Variants in UNC79 observed in about 807,000 individuals in gnomAD.
UNC79 encodes protein unc-79 homolog.
In UNC79, 37 loss-of-function variants were observed where a neutral mutation model predicts 283.1. That is an observed-to-expected ratio of 0.13 (90% confidence interval 0.10 to 0.17). UNC79 has a LOEUF of 0.17. UNC79 is among the 10% of genes least tolerant of loss of function. The pLI is 1.00. For synonymous variants in UNC79, 1,107 were observed against 1,200.2 expected (o/e 0.92, Z 1.61); for missense variants, 2,272 against 3,211.1 (o/e 0.71, Z 7.07).
chr14:93,379,067 T>A (rs1317552141), intron 1 of UNC79, among the ~76,000 whole-genome samples: 5 of 152,170 alleles, frequency 3.3e-5, no homozygotes, highest in Admixed American at 3.3e-4. Flanking sequence ...AGTTAACAGC[T>A]GAGCAAAAGA....
chr14:93,582,143 A>C, intron 19 of UNC79, 60 bp from the exon 20 acceptor site: 15 of 1,612,098 alleles, frequency 9.3e-6, no homozygotes, highest in Middle Eastern at 1.7e-4. Flanking sequence ...TGAGCTGAGC[A>C]AACCGTTCCT....
intron 1 of UNC79, chr14:93,334,665 A>G (rs2053535831): frequency 6.6e-6 from 1 of 152,244 alleles, no homozygotes; most frequent in Admixed American, 6.5e-5. Context: ...CACTTGAACA[A>G]CACGGGTTTG....
chr14:93,366,285 C>G (rs2054331060), intron 1 of UNC79, among the ~76,000 whole-genome samples: 1 of 152,242 alleles, frequency 6.6e-6, no homozygotes, highest in East Asian at 1.9e-4. Context: ...ATTTAACTAA[C>G]TAAGGATATA....
At chr14:93,597,648 A>G (rs1377911265) in intron 24 of UNC79, 108 bp downstream of exon 24, 1 of 1,203,846 alleles carries the variant, frequency 8.3e-7, no homozygotes, top group African/African-American at 1.5e-5. Flanking sequence ...ATAACAGAAT[A>G]CCATAAACTG....
chr14:93,684,139 C>G lies in UNC79; in HGVS notation c.6819+1445C>G, dbSNP rs531929425. ...CTAGGGACTCCGCTGCTCCGTAAAT[C>G]TCTAGGACTTACTCACTTTGCATAA... On this transcript the variant is annotated intron_variant, in intron 42 of 48. Coordinates refer to ENST00000555664, the Ensembl canonical transcript of UNC79. Among the ~76,000 whole-genome samples the G allele has an allele frequency of 3.9e-5, 6 of 152,292 alleles. No individual in the cohort carries two copies. The East Asian group carries it at 1.2e-3, about 29-fold the overall frequency.
chr14:93,417,164 T>A (rs7157795), intron 1 of UNC79, among the ~76,000 whole-genome samples: 82,149 of 151,580 alleles, frequency 0.54, 22,819 homozygotes, highest in Admixed American at 0.65. Context: ...TGGTACCGGT[T>A]GTTCCTTTCC....
intron 4 of UNC79, among the ~76,000 whole-genome samples, chr14:93,478,573 C>T (rs1260139410): frequency 6.6e-6 from 1 of 152,094 alleles, no homozygotes; most frequent in Non-Finnish European, 1.5e-5. Context: ...AGGCAAATTA[C>T]CCAACTTTCT....
chr14:93,633,729 T>G (rs933408860), intron 31 of UNC79, among the ~76,000 whole-genome samples: 2 of 152,188 alleles, frequency 1.3e-5, no homozygotes, highest in Non-Finnish European at 2.9e-5. Flanking sequence ...CTGGCAAAAG[T>G]GTTTTTCATT....
chr14:93,589,077 C>G (rs773489653), intron 22 of UNC79, among the ~76,000 whole-genome samples: 1 of 152,026 alleles, frequency 6.6e-6, no homozygotes, highest in African/African-American at 2.4e-5. Context: ...ACAGCCTGCA[C>G]GAGGAAAGCA....
chr14:93,652,539 C>T (rs975012404), intron 35 of UNC79, among the ~76,000 whole-genome samples: 1 of 152,160 alleles, frequency 6.6e-6, no homozygotes, highest in African/African-American at 2.4e-5. Flanking sequence ...GGATTACAGG[C>T]GATAGTCACT....
chr14:93,359,551 C>A (rs905267065), intron 1 of UNC79, among the ~76,000 whole-genome samples: 1 of 152,128 alleles, frequency 6.6e-6, no homozygotes, highest in African/African-American at 2.4e-5. Context: ...AGCATAGCTA[C>A]CATAATGGAC....
chr14:93,350,156 T>A (rs1256656748), intron 1 of UNC79, among the ~76,000 whole-genome samples: 1 of 152,104 alleles, frequency 6.6e-6, no homozygotes, highest in Non-Finnish European at 1.5e-5. Context: ...CTTCCTAGGT[T>A]TTCACTAAAA....
intron 4 of UNC79, among the ~76,000 whole-genome samples, chr14:93,479,564 C>G (rs1009299876): frequency 6.6e-6 from 1 of 152,080 alleles, no homozygotes; most frequent in Non-Finnish European, 1.5e-5. Context: ...TCCCAAAGTG[C>G]TGGGATTACA....
chr14:93,481,415 A>G (rs1202418265), intron 4 of UNC79, among the ~76,000 whole-genome samples: 1 of 152,198 alleles, frequency 6.6e-6, no homozygotes, highest in Admixed American at 6.5e-5. Context: ...GGCAGAGAAG[A>G]GAAAGAGCTG....
In UNC79 at chr14:93,697,857, T is replaced by G. The variant is rs558853463; in HGVS notation, c.7548+3445T>G. 1.8e-4 allele frequency among the ~76,000 whole-genome samples: 27 copies of G among 152,336 alleles called. 1 individual carries two copies. The highest frequency in any genetic ancestry group is 1.7e-3 in the South Asian group (8 of 4,822). ...AGCACAATGATTTGAGACTTTTCTTTTCTAATATAAGTGATTAGTGCTATA... is the reference window on the plus strand; with the variant it reads ...AGCACAATGATTTGAGACTTTTCTTGTCTAATATAAGTGATTAGTGCTATA... On this transcript the variant is annotated intron_variant, in intron 47 of 48. Coordinates refer to ENST00000555664, the Ensembl canonical transcript of UNC79.
In UNC79 at chr14:93,582,350, TGTGCACTGACTGCCG is replaced by T. The variant is rs1368029390; in HGVS notation, c.2803+8_2803+22del. ...CGAGCCCGTGGAACATGCTGGTAGG[TGTGCACTGACTGCCG>T]GGGAATGCGCCACGTGCACATGGCC... On this transcript the variant is annotated splice_region_variant and intron_variant, in intron 20 of 48. Transcript: ENST00000555664. The T allele has an allele frequency of 9.3e-6, 15 of 1,613,040 alleles. No homozygotes were observed. The highest frequency in any genetic ancestry group is 1.3e-5 in the Non-Finnish European group (15 of 1,179,706).
chr14:93,664,613 T>C (rs1440491194), intron 40 of UNC79, among the ~76,000 whole-genome samples: 1 of 152,186 alleles, frequency 6.6e-6, no homozygotes, highest in Admixed American at 6.5e-5. Flanking sequence ...TACATTCTTA[T>C]ATAGAGGTGA....
intron 32 of UNC79, among the ~76,000 whole-genome samples, chr14:93,640,324 A>G (rs1350231958): frequency 6.6e-6 from 1 of 152,198 alleles, no homozygotes; most frequent in Non-Finnish European, 1.5e-5. Flanking sequence ...ACATTCATAA[A>G]TACTTCAGTT....
chr14:93,618,447 A>G (rs1308801266), intron 29 of UNC79, 93 bp downstream of exon 30: 6 of 1,272,674 alleles, frequency 4.7e-6, no homozygotes, highest in Non-Finnish European at 6.1e-6. Context: ...GTTCCCAGAT[A>G]TCATTCTGGA....
Sources: gnomAD v4.1 joint callset for allele counts (sites outside exome capture counted in the v4.1 genomes callset) on GRCh38, gnomAD v4.1.1 for gene constraint, MANE v1.5 for transcripts, NCBI Gene and HGNC (gene_info 2026-07-23, HGNC 2026-07-21) for gene names.